Variants in EYA1 observed in about 807,000 individuals in gnomAD.
EYA1 encodes EYA transcriptional coactivator and phosphatase 1.
In EYA1, 16 loss-of-function variants were observed where a neutral mutation model predicts 82.0. The ratio of observed to expected loss-of-function variants is 0.20; its 90% CI spans 0.13 to 0.30. The LOEUF (loss-of-function observed/expected upper bound fraction) is 0.30, where lower values mean the gene tolerates loss of function less well. Among genes scored for constraint, EYA1 ranks in the 10% least tolerant of loss-of-function variants. EYA1 has a pLI of 1.00. For synonymous variants in EYA1, 261 were observed against 264.4 expected (o/e 0.99, Z 0.12); for missense variants, 633 against 730.7 (o/e 0.87, Z 1.54).
chr8:71,350,500 T>A (rs1490797649), intron 3 of EYA1, among the ~76,000 whole-genome samples: 1 of 152,174 alleles, frequency 6.6e-6, no homozygotes, highest in African/African-American at 2.4e-5. Context: ...CAAGATAGTA[T>A]CTGTTCCCAC....
intron 2 of EYA1, among the ~76,000 whole-genome samples, chr8:71,523,844 T>C (rs933243497): frequency 6.6e-6 from 1 of 152,204 alleles, no homozygotes; most frequent in Non-Finnish European, 1.5e-5. Flanking sequence ...TACCATATTT[T>C]AGAAAATTAT....
At chr8:71,313,799 GA>G (rs1450379103) in intron 7 of EYA1, among the ~76,000 whole-genome samples, 1 of 152,146 alleles carries the variant, frequency 6.6e-6, no homozygotes, top group African/African-American at 2.4e-5. Flanking sequence ...AAGTCTGATA[GA>G]ACCAAAGAGC....
chr8:71,532,922 C>T (rs1354292601), intron 2 of EYA1, among the ~76,000 whole-genome samples: 2 of 152,162 alleles, frequency 1.3e-5, no homozygotes, highest in Non-Finnish European at 2.9e-5. Flanking sequence ...ATATCATGGA[C>T]ACAATGGATA....
chr8:71,437,103 A>G (rs1447574750), intron 2 of EYA1, among the ~76,000 whole-genome samples: 2 of 136,500 alleles, frequency 1.5e-5, no homozygotes, highest in African/African-American at 2.7e-5. Flanking sequence ...ATATATATAT[A>G]TCTTTTATAG....
At chr8:71,406,640 T>C (rs371966313) in intron 2 of EYA1, among the ~76,000 whole-genome samples, 11 of 152,316 alleles carry the variant, frequency 7.2e-5, no homozygotes, top group South Asian at 2.1e-4. Flanking sequence ...CGGGTCACTC[T>C]CACCCGAATA....
At chr8:71,378,732 T>C (rs1220887460) in intron 2 of EYA1, among the ~76,000 whole-genome samples, 1 of 152,200 alleles carries the variant, frequency 6.6e-6, no homozygotes, top group Non-Finnish European at 1.5e-5. Context: ...ATATTCTTGG[T>C]CAACCTTTTA....
intron 2 of EYA1, among the ~76,000 whole-genome samples, chr8:71,468,023 T>C (rs1279337549): frequency 2.6e-5 from 4 of 152,154 alleles, no homozygotes; most frequent in Non-Finnish European, 5.9e-5. Flanking sequence ...CTTGATGGTA[T>C]AACTGATCCA....
At chr8:71,503,025 T>C (rs1425179325) in intron 2 of EYA1, among the ~76,000 whole-genome samples, 6 of 152,246 alleles carry the variant, frequency 3.9e-5, no homozygotes, top group African/African-American at 1.2e-4. Flanking sequence ...ATACGTATGA[T>C]ACTGAATTGT....
chr8:71,321,869 G>C lies in EYA1; in HGVS notation c.283C>G (p.Pro95Ala). The C allele has an allele frequency of 6.2e-7, 1 of 1,614,164 alleles. No homozygotes were observed. The highest frequency in any genetic ancestry group is 8.5e-7 in the Non-Finnish European group (1 of 1,180,036). ...GAGGAAGGGGTAGGGAGAATATGTG[G>C]GTATGGTCTGCTATTTGTCAGAAAT... ...PQIYPSNRPY[P>A]HILPTPSSQT... The change falls in exon 6 of 18, where the codon CCA (proline) becomes GCA (alanine). Residue 95 changes from proline (P) to alanine (A), a missense_variant. Coordinates refer to ENST00000340726, the MANE Select transcript of EYA1 (RefSeq NM_000503.6).
intron 2 of EYA1, among the ~76,000 whole-genome samples, chr8:71,445,707 C>T (rs894279820): frequency 9.2e-5 from 14 of 152,084 alleles, no homozygotes; most frequent in African/African-American, 3.4e-4. Context: ...GGCACGATCT[C>T]GGCTCACTGC....
Position 71,299,249 on chromosome 8 carries a change from AC to A in EYA1, c.640-17del, listed in dbSNP as rs1563422553. ...ACGGATAGTCCTACCAAATCAAACCACACAAGAATTGTCTGTCAAAATACTG... is the reference window on the plus strand; with the variant it reads ...ACGGATAGTCCTACCAAATCAAACCAACAAGAATTGTCTGTCAAAATACTG... On this transcript the variant is annotated splice_polypyrimidine_tract_variant and intron_variant, in intron 8 of 17. Transcript: ENST00000340726. 1.9e-6 allele frequency: 3 copies of A among 1,612,754 alleles called. No individual in the cohort carries two copies. Among genetic ancestry groups the A allele is most frequent in the Non-Finnish European group, 1.7e-6 (2 of 1,178,746 alleles).
intron 2 of EYA1, among the ~76,000 whole-genome samples, chr8:71,531,748 G>T (rs1814298843): frequency 6.6e-6 from 1 of 152,112 alleles, no homozygotes; most frequent in Non-Finnish European, 1.5e-5. Flanking sequence ...ATCCAGATGG[G>T]AACCCTTCAG....
At position 71,199,145 on chromosome 8, in the gene EYA1, G is replaced by C. The variant is rs533676033; in HGVS notation, c.*195C>G. 1 of 649,294 alleles carries C rather than the reference G, an allele frequency of 1.5e-6. No individual in the cohort carries two copies. Among genetic ancestry groups the C allele is most frequent in the Non-Finnish European group, 2.8e-6 (1 of 356,518 alleles). 40.2% of individuals were successfully genotyped at this position (649,294 alleles called of 1,614,324 possible). On this transcript the variant is annotated 3_prime_UTR_variant, in exon 18 of 18. Coordinates refer to ENST00000340726, the MANE Select transcript of EYA1 (RefSeq NM_000503.6). ...TATTTTCACTGGATTCACAGTACTA[G>C]AGTCAACAGCTGTTCTGATGAAATA... is the stretch of plus-strand genomic sequence containing the variant.
At chr8:71,323,886 G>A (rs539606351) in intron 4 of EYA1, 1 of 152,366 alleles carries the variant, frequency 6.6e-6, no homozygotes, top group South Asian at 2.1e-4. Flanking sequence ...CACTTGCCCA[G>A]GTCATCTGCA....
chr8:71,346,813 T>C (rs1403549470), intron 3 of EYA1, among the ~76,000 whole-genome samples: 2 of 152,208 alleles, frequency 1.3e-5, no homozygotes, highest in African/African-American at 2.4e-5. Flanking sequence ...AAACAGGCTC[T>C]AGATACTTAT....
chr8:71,325,466 C>T (rs900419666), intron 4 of EYA1, among the ~76,000 whole-genome samples: 5 of 152,166 alleles, frequency 3.3e-5, no homozygotes, highest in Admixed American at 2.0e-4. Flanking sequence ...CCTATTTCCT[C>T]AGCACCTGAC....
chr8:71,454,862 A>C (rs534141159), intron 2 of EYA1, among the ~76,000 whole-genome samples: 4 of 152,370 alleles, frequency 2.6e-5, no homozygotes, highest in African/African-American at 4.8e-5. Context: ...TAAAAGAACT[A>C]GAGAAGCAAG....
rs1163305495 is a variant in EYA1, at chr8:71,407,040, C to A, written c.34-50529G>T. 1.5e-3 allele frequency among the ~76,000 whole-genome samples: 170 copies of A among 116,556 alleles called. 1 individual carries two copies. The highest frequency in any genetic ancestry group is 4.7e-3 in the African/African-American group (166 of 35,238). 76.5% of individuals were successfully genotyped at this position (116,556 alleles called of 152,430 possible). A position where few individuals can be genotyped will look rare whatever the true frequency, so the allele number is the denominator to read the frequency against. ...AGCTGGAGATCTGAGAACGGGCAGA[C>A]TGCCTCCTCAAGTGGGTCCCTGACC... On this transcript the variant is annotated intron_variant, in intron 2 of 18. Transcript: ENST00000643681.
chr8:71,304,814 A>G (rs977643627), intron 7 of EYA1, among the ~76,000 whole-genome samples: 1 of 142,828 alleles, frequency 7.0e-6, no homozygotes, highest in African/African-American at 2.5e-5. Flanking sequence ...CTCCACTTTG[A>G]TAGCTAATTC....
Sources: gnomAD v4.1 joint callset for allele counts (sites outside exome capture counted in the v4.1 genomes callset) on GRCh38, gnomAD v4.1.1 for gene constraint, MANE v1.5 for transcripts, NCBI Gene and HGNC (gene_info 2026-07-23, HGNC 2026-07-21) for gene names.